PIGK: variants seen among roughly 807,000 people sequenced by gnomAD.
PIGK encodes phosphatidylinositol glycan anchor biosynthesis class K.
PIGK carries 42 observed loss-of-function variants against 50.6 expected under a neutral mutation model. The ratio of observed to expected loss-of-function variants is 0.83; its 90% confidence interval spans 0.65 to 1.07. The LOEUF (loss-of-function observed/expected upper bound fraction) is 1.07, where lower values mean the gene tolerates loss of function less well. PIGK is among the 50% of genes least tolerant of loss of function. The pLI is 0.00. For synonymous variants in PIGK, 151 were observed against 156.0 expected (o/e 0.97, Z 0.24); for missense variants, 448 against 488.7 (o/e 0.92, Z 0.78).
At position 77,195,405 on chromosome 1, in the gene PIGK, G is replaced by T. The variant is rs567382369; in HGVS notation, c.239+11235C>A. On this transcript the variant is annotated intron_variant, in intron 3 of 10. Transcript: ENST00000370812. ...GCACGCAGAGTGCTAAGGAGTGAGA[G>T]CTTAGGGTGCTCACTTCCTGTTTCC... 6 of 1,094,706 alleles carry T rather than the reference G, an allele frequency of 5.5e-6. No individual in the cohort carries two copies. The Admixed American group carries it at 1.4e-4, about 26-fold the overall frequency. The allele number at this position is 1,094,706 out of a possible 1,614,324, so 67.8% of individuals were successfully genotyped here. A position where few individuals can be genotyped will look rare whatever the true frequency, so the allele number is the denominator to read the frequency against.
intron 10 of PIGK, among the ~76,000 whole-genome samples, chr1:77,105,537 A>C (rs1473255962): frequency 6.6e-6 from 1 of 151,882 alleles, no homozygotes; most frequent in Admixed American, 6.6e-5. Context: ...CAGATCCCTA[A>C]AGCTCAACAC....
At chr1:77,145,896 A>T (rs922066339) in intron 9 of PIGK, among the ~76,000 whole-genome samples, 15 of 152,180 alleles carry the variant, frequency 9.9e-5, no homozygotes, top group Non-Finnish European at 2.2e-4. Context: ...CCAAAACATG[A>T]TTTTTTGACA....
At chr1:77,219,085 GTCC>G (rs983768582) in intron 1 of PIGK, among the ~76,000 whole-genome samples, 3 of 152,184 alleles carry the variant, frequency 2.0e-5, no homozygotes, top group Non-Finnish European at 2.9e-5. Flanking sequence ...AAAGGATCAG[GTCC>G]TCCTCTGTCT....
At chr1:77,114,169 G>A (rs1477084156) in intron 10 of PIGK, among the ~76,000 whole-genome samples, 1 of 152,098 alleles carries the variant, frequency 6.6e-6, no homozygotes, top group African/African-American at 2.4e-5. Flanking sequence ...TTCATAAGGA[G>A]GAAGTATACC....
At chr1:77,184,424 A>G (rs1230489954) in intron 3 of PIGK, among the ~76,000 whole-genome samples, 2 of 152,182 alleles carry the variant, frequency 1.3e-5, no homozygotes, top group African/African-American at 2.4e-5. Flanking sequence ...GGACCCCACT[A>G]CATAACCAAC....
At chr1:77,132,072 A>G (rs995823835) in intron 9 of PIGK, among the ~76,000 whole-genome samples, 1 of 151,942 alleles carries the variant, frequency 6.6e-6, no homozygotes, top group Non-Finnish European at 1.5e-5. Context: ...GGCTTAATTT[A>G]TTTCTTTTAC....
At chr1:77,138,620 A>G (rs1570214382) in intron 9 of PIGK, among the ~76,000 whole-genome samples, 2 of 152,314 alleles carry the variant, frequency 1.3e-5, no homozygotes, top group South Asian at 4.1e-4. Context: ...GAGATAATAC[A>G]TGGGTGTTGT....
chr1:77,211,908 A>T (rs549190134), intron 1 of PIGK, among the ~76,000 whole-genome samples: 1 of 151,050 alleles, frequency 6.6e-6, no homozygotes, highest in East Asian at 1.9e-4. Context: ...ATATGCTTCT[A>T]ATTTTCCATT....
intron 10 of PIGK, among the ~76,000 whole-genome samples, chr1:77,109,995 G>T (rs1231055666): frequency 6.6e-6 from 1 of 152,118 alleles, no homozygotes; most frequent in East Asian, 1.9e-4. Context: ...AATCATGAGT[G>T]AACTCCCATT....
chr1:77,163,923 G>A lies in PIGK; in HGVS notation c.507C>T (p.Phe169=). 6.2e-7 allele frequency: 1 copy of A among 1,604,004 alleles called. No homozygotes were observed. The highest frequency in any genetic ancestry group is 1.1e-5 in the South Asian group (1 of 90,042). ...IYMTGHGGNG[F]LKFQDSEEIT... is the part of the protein sequence containing the mutation. The stretch of plus-strand genomic sequence containing the variant: ...TTTCTTCAGAATCTTGAAATTTTAA[G>A]AAACCATTTCCACCATGCCCTTGTA... Residue 169 remains phenylalanine (F), a synonymous_variant, in exon 6 of 11, where the codon TTC becomes TTT. Transcript: ENST00000370812.
At chr1:77,183,317 T>A (rs1655663845) in intron 3 of PIGK, among the ~76,000 whole-genome samples, 2 of 152,128 alleles carry the variant, frequency 1.3e-5, no homozygotes, top group Non-Finnish European at 2.9e-5. Context: ...CAACATCCCC[T>A]CTCCGACCCA....
chr1:77,147,007 T>C (rs1355774194), intron 9 of PIGK, among the ~76,000 whole-genome samples: 2 of 146,262 alleles, frequency 1.4e-5, no homozygotes, highest in South Asian at 2.2e-4. Flanking sequence ...GGAGGTGCAT[T>C]AGTCTGTTTT....
intron 10 of PIGK, among the ~76,000 whole-genome samples, chr1:77,092,978 A>T (rs867001474): frequency 6.6e-6 from 1 of 152,052 alleles, no homozygotes; most frequent in African/African-American, 2.4e-5. Flanking sequence ...ACCCAATTCC[A>T]TTCAGCTATT....
chr1:77,212,691 A>G (rs1656448293), intron 1 of PIGK, among the ~76,000 whole-genome samples: 1 of 152,228 alleles, frequency 6.6e-6, no homozygotes, highest in African/African-American at 2.4e-5. Context: ...CTTTAAATCA[A>G]AAACTATAAA....
At chr1:77,173,678 C>A (rs1012480211) in intron 3 of PIGK, among the ~76,000 whole-genome samples, 4 of 152,222 alleles carry the variant, frequency 2.6e-5, no homozygotes, top group South Asian at 2.1e-4. Context: ...TAAGCTGTAG[C>A]AAATTTGGTG....
intron 3 of PIGK, chr1:77,194,932 A>G (rs955210507): frequency 1.8e-6 from 1 of 540,706 alleles, no homozygotes; most frequent in East Asian, 5.2e-5. Flanking sequence ...AAGTCATGGA[A>G]CTGAAAAAGC....
At chr1:77,114,230 A>G (rs1653915108) in intron 10 of PIGK, among the ~76,000 whole-genome samples, 1 of 152,180 alleles carries the variant, frequency 6.6e-6, no homozygotes, top group South Asian at 2.1e-4. Context: ...AGAATCAAAT[A>G]CTGGCTATCC....
chr1:77,166,818 T>C lies in PIGK; in HGVS notation c.388A>G (p.Asn130Asp). 6.5e-7 allele frequency: 1 copy of C among 1,549,426 alleles called. No individual in the cohort carries two copies. Among genetic ancestry groups the C allele is most frequent in the East Asian group, 2.3e-5 (1 of 44,398 alleles). The stretch of plus-strand genomic sequence containing the variant: ...CTCCCAGTTAATACCCGTAAAAAAT[T>C]CTCCACAGTTACCTAAGGGGGAAAA... ...DYRSYEVTVE[N>D]FLRVLTGRIP... is the part of the protein sequence containing the mutation. Residue 130 changes from asparagine to aspartate, a missense_variant, in exon 5 of 11, where the codon AAT becomes GAT. Asn to Asp is a conservative substitution (Grantham distance 23). Transcript: ENST00000370812.
chr1:77,148,579 T>TA (rs916154432), intron 9 of PIGK, among the ~76,000 whole-genome samples: 2 of 151,918 alleles, frequency 1.3e-5, no homozygotes, highest in East Asian at 1.9e-4. Flanking sequence ...ATAGGCAATA[T>TA]AAAAAAAACG....
Sources: gnomAD v4.1 joint callset for allele counts (sites outside exome capture counted in the v4.1 genomes callset) on GRCh38, gnomAD v4.1.1 for gene constraint, MANE v1.5 for transcripts, NCBI Gene and HGNC (gene_info 2026-07-23, HGNC 2026-07-21) for gene names.